KHDRBS3: variants seen among roughly 807,000 people sequenced by gnomAD.
The protein encoded by KHDRBS3 is KH domain-containing, RNA-binding, signal transduction-associated protein 3.
A neutral mutation model predicts 45.6 loss-of-function variants in KHDRBS3; 23 were observed. That is an observed-to-expected ratio of 0.50 (90% CI 0.36 to 0.72). The LOEUF is 0.72. Ranked by LOEUF, KHDRBS3 falls within the 30% of genes least tolerant of loss-of-function variation. The pLI, the probability that KHDRBS3 is intolerant of heterozygous loss-of-function variation, is 0.00. For missense variants in KHDRBS3, 352 were observed against 424.8 expected (o/e 0.83, Z 1.51); for synonymous variants, 162 against 156.5 (o/e 1.04, Z -0.26).
chr8:135,533,134 A>G (rs1363011000), intron 2 of KHDRBS3, among the ~76,000 whole-genome samples: 2 of 152,168 alleles, frequency 1.3e-5, no homozygotes, highest in Non-Finnish European at 2.9e-5. Context: ...GCATACAGCT[A>G]TTTATATGTG....
At chr8:135,474,933 G>C (rs2130251742) in intron 1 of KHDRBS3, among the ~76,000 whole-genome samples, 1 of 152,322 alleles carries the variant, frequency 6.6e-6, no homozygotes. Flanking sequence ...GAGCTTTCCA[G>C]CTCTGGAGGC....
chr8:135,546,050 T>C (rs1826286534), intron 3 of KHDRBS3, among the ~76,000 whole-genome samples: 1 of 151,960 alleles, frequency 6.6e-6, no homozygotes, highest in African/African-American at 2.4e-5. Context: ...GACACGAGAA[T>C]TGCTTGAACC....
intron 7 of KHDRBS3, among the ~76,000 whole-genome samples, chr8:135,622,294 G>C (rs1305472024): frequency 1.3e-5 from 2 of 152,108 alleles, no homozygotes; most frequent in African/African-American, 4.8e-5. Context: ...TTAAAACAAA[G>C]TAGGTATTCT....
intron 7 of KHDRBS3, among the ~76,000 whole-genome samples, chr8:135,643,370 G>A (rs921952609): frequency 1.5e-4 from 23 of 152,208 alleles, no homozygotes; most frequent in Non-Finnish European, 2.6e-4. Flanking sequence ...CATATGTAAC[G>A]TGAGGGTCTC....
rs57082119 is a variant in KHDRBS3 at position 135,645,992 on chromosome 8, A to ATTTTT, written c.949+901_949+905dup. On this transcript the variant is annotated intron_variant, in intron 8 of 8. Coordinates refer to ENST00000355849, the MANE Select transcript of KHDRBS3 (RefSeq NM_006558.3). ...TGAAGCTGTGATGGCTGCACCTTGG[A>ATTTTT]TTTTTTTTTTTTTTTTTTTTTTTTT... Among the ~76,000 whole-genome samples the ATTTTT allele has an allele frequency of 1.0e-3, 101 of 100,716 alleles. 1 individual carries two copies. The highest frequency in any genetic ancestry group is 3.4e-3 in the African/African-American group (84 of 24,722). The allele number at this position is 100,716 out of a possible 152,430, so 66.1% of individuals were successfully genotyped here.
intron 6 of KHDRBS3, among the ~76,000 whole-genome samples, chr8:135,588,976 AT>A (rs1363740181): frequency 6.6e-6 from 1 of 152,084 alleles, no homozygotes; most frequent in Non-Finnish European, 1.5e-5. Flanking sequence ...TAATTCTTTC[AT>A]CTTCCTTCTC....
chr8:135,587,817 A>C (rs915914736), intron 6 of KHDRBS3, among the ~76,000 whole-genome samples: 2 of 152,198 alleles, frequency 1.3e-5, no homozygotes, highest in Admixed American at 1.3e-4. Flanking sequence ...TGCAAAGAAA[A>C]CACACAATCT....
Position 135,631,608 on chromosome 8 carries a change from C to A in KHDRBS3, c.891-13451C>A, listed in dbSNP as rs145653298. ...AGTAACATGCATGAAGCTGTCATCTCCTAGGATAAGAGTACCTTCTTCTGG... is the reference window on the plus strand; with the variant it reads ...AGTAACATGCATGAAGCTGTCATCTACTAGGATAAGAGTACCTTCTTCTGG... On this transcript the variant is annotated intron_variant, in intron 7 of 8. Coordinates refer to ENST00000355849, the MANE Select transcript of KHDRBS3 (RefSeq NM_006558.3). Among the ~76,000 whole-genome samples the A allele has an allele frequency of 2.0e-4, 30 of 152,254 alleles. No individual in the cohort carries two copies. The East Asian group carries it at 5.8e-3, about 30-fold the overall frequency.
intron 4 of KHDRBS3, among the ~76,000 whole-genome samples, chr8:135,655,066 C>T (rs1831504889): frequency 6.6e-6 from 1 of 152,194 alleles, no homozygotes; most frequent in Admixed American, 6.5e-5. Flanking sequence ...ACAGGTGTGT[C>T]TGTCACATTT....
At chr8:135,545,201 G>A (rs1020757941) in intron 3 of KHDRBS3, among the ~76,000 whole-genome samples, 1 of 152,076 alleles carries the variant, frequency 6.6e-6, no homozygotes, top group African/African-American at 2.4e-5. Context: ...TTTCCCCTGG[G>A]TTTAACATAG....
At chr8:135,462,229 TGTTATCA>T (rs1394017769) in intron 1 of KHDRBS3, among the ~76,000 whole-genome samples, 1 of 149,256 alleles carries the variant, frequency 6.7e-6, no homozygotes, top group Non-Finnish European at 1.5e-5. Flanking sequence ...TTTTTCTTTG[TGTTATCA>T]GTTTTTTTTT....
chr8:135,612,273 C>T (rs1829735768), intron 7 of KHDRBS3, among the ~76,000 whole-genome samples: 1 of 151,820 alleles, frequency 6.6e-6, no homozygotes, highest in Non-Finnish European at 1.5e-5. Flanking sequence ...AAATGTAATA[C>T]TTTGTGATGC....
chr8:135,557,148 A>G (rs1446516817), intron 4 of KHDRBS3, among the ~76,000 whole-genome samples: 1 of 152,208 alleles, frequency 6.6e-6, no homozygotes, highest in East Asian at 1.9e-4. Context: ...CAACACCCAT[A>G]TATCAGTTTT....
intron 4 of KHDRBS3, among the ~76,000 whole-genome samples, chr8:135,552,250 C>T (rs1314614093): frequency 1.3e-5 from 2 of 151,962 alleles, no homozygotes; most frequent in East Asian, 1.9e-4. Context: ...ATTCCAGTTA[C>T]GTGTATGTTG....
intron 1 of KHDRBS3, among the ~76,000 whole-genome samples, chr8:135,509,228 T>C (rs1322749608): frequency 6.6e-6 from 1 of 152,250 alleles, no homozygotes; most frequent in East Asian, 1.9e-4. Context: ...TTTCATTGAC[T>C]TGTTTCTTGG....
intron 5 of KHDRBS3, among the ~76,000 whole-genome samples, chr8:135,563,337 C>T (rs1007358384): frequency 4.6e-5 from 7 of 152,146 alleles, no homozygotes; most frequent in Admixed American, 4.6e-4. Flanking sequence ...ATTTATTCTC[C>T]TTCTCGTTGA....
rs1826101275 is a variant in KHDRBS3 at position 135,542,679 on chromosome 8, G to T, written c.233G>T (p.Gly78Val). 1 of 1,613,210 alleles carries T rather than the reference G, an allele frequency of 6.2e-7. No individual in the cohort carries two copies. Among genetic ancestry groups the T allele is most frequent in the Non-Finnish European group, 8.5e-7 (1 of 1,179,542 alleles). The change falls in exon 3 of 9, where the codon GGT (glycine) becomes GTT (valine). Residue 78 changes from glycine (G) to valine (V), a missense_variant. Gly to Val is a moderately radical substitution (Grantham distance 109). Transcript: ENST00000355849. ...PKFNFVGKLL[G>V]PRGNSLKRLQ... ...TTCAACTTTGTGGGGAAACTTTTGG[G>T]TCCACGTGGCAATTCTCTGAAGCGT...
At chr8:135,604,443 G>T (rs1254124374) in intron 6 of KHDRBS3, among the ~76,000 whole-genome samples, 1 of 151,410 alleles carries the variant, frequency 6.6e-6, no homozygotes, top group Non-Finnish European at 1.5e-5. Context: ...TAGGATTTAT[G>T]CCTGCCATCT....
At chr8:135,557,364 A>G (rs536205952) in intron 4 of KHDRBS3, 84 bp from the exon 5 acceptor site, 12 of 731,022 alleles carry the variant, frequency 1.6e-5, no homozygotes, top group East Asian at 3.1e-5. Flanking sequence ...CCTTTTTTCT[A>G]TTAAGAATTA....
Sources: allele counts gnomAD v4.1 joint callset (sites outside exome capture counted in the v4.1 genomes callset), GRCh38; gene constraint gnomAD v4.1.1; transcripts MANE v1.5; gene names NCBI Gene and HGNC (gene_info 2026-07-23, HGNC 2026-07-21).